Variants in KLHL13 observed in about 807,000 individuals in gnomAD.
The protein encoded by KLHL13 is kelch like family member 13.
In KLHL13, 10 loss-of-function variants were observed where a neutral mutation model predicts 37.1. The ratio of observed to expected loss-of-function variants is 0.27; its 90% CI spans 0.17 to 0.46. The LOEUF is 0.46. Ranked by LOEUF, KLHL13 falls within the 20% of genes least tolerant of loss-of-function variation. KLHL13 has a pLI of 1.00. For missense variants in KLHL13, 360 were observed against 509.3 expected (o/e 0.71, Z 2.82); for synonymous variants, 163 against 181.2 (o/e 0.90, Z 0.81).
At chrX:118,010,646 C>T (rs1305749384) in intron 1 of KLHL13, among the ~76,000 whole-genome samples, 2 of 86,629 alleles carry the variant, frequency 2.3e-5, no homozygotes, top group Admixed American at 1.3e-4. Context: ...TGCTAGATGA[C>T]GAGTTAGTGG....
At chrX:118,004,821 G>A (rs955126074) in intron 1 of KLHL13, among the ~76,000 whole-genome samples, 1 of 111,446 alleles carries the variant, frequency 9.0e-6, no homozygotes, top group Non-Finnish European at 1.9e-5. Context: ...TCAATATCAG[G>A]TGCCACCTGA....
Position 118,006,724 on chromosome X carries a change from C to CA in KLHL13, c.-55-61150dup, listed in dbSNP as rs931005938. Among the ~76,000 whole-genome samples the CA allele has an allele frequency of 1.0e-4, 11 of 108,337 alleles. No individual in the cohort carries two copies. The South Asian group carries it at 1.9e-3, about 19-fold the overall frequency. 94.1% of individuals were successfully genotyped at this position (108,337 alleles called of 115,157 possible). On this transcript the variant is annotated intron_variant, in intron 1 of 6. Coordinates refer to the KLHL13 transcript ENST00000371882. ...GGAGAAAGTATTTCTGTTCTAAAAA[C>CA]AAAAAAAAAGGAAGAAGAAAGAAAC...
chrX:117,935,422 C>T (rs924818563), intron 2 of KLHL13, among the ~76,000 whole-genome samples: 1 of 112,011 alleles, frequency 8.9e-6, no homozygotes, highest in African/African-American at 3.2e-5. Flanking sequence ...TCTACAGAAA[C>T]AGAGAAAAGA....
chrX:117,926,557 G>A (rs1304274333), intron 2 of KLHL13, among the ~76,000 whole-genome samples: 1 of 111,614 alleles, frequency 9.0e-6, no homozygotes, highest in Non-Finnish European at 1.9e-5. Flanking sequence ...CAAGGCTGGG[G>A]TTTTAAGCAT....
At chrX:117,914,230 T>C (rs1422171523) in intron 4 of KLHL13, 6 of 94,526 alleles carry the variant, frequency 6.3e-5, no homozygotes, top group East Asian at 3.1e-4. Flanking sequence ...GGGTATCTGC[T>C]TTTTTTTTTT....
At chrX:118,077,390 T>C (rs1345243187) in intron 1 of KLHL13, among the ~76,000 whole-genome samples, 1 of 109,518 alleles carries the variant, frequency 9.1e-6, no homozygotes, top group Non-Finnish European at 1.9e-5. Flanking sequence ...AATTACTGCC[T>C]TGTGGAGGGT....
chrX:117,931,815 T>C (rs368796360), intron 2 of KLHL13, among the ~76,000 whole-genome samples: 2 of 111,513 alleles, frequency 1.8e-5, no homozygotes, highest in East Asian at 5.6e-4. Flanking sequence ...AGCTTCAGCG[T>C]CCTTATCTAT....
intron 2 of KLHL13, among the ~76,000 whole-genome samples, chrX:117,944,297 A>C (rs949478981): frequency 2.7e-5 from 3 of 111,017 alleles, no homozygotes; most frequent in African/African-American, 9.8e-5. Context: ...CTCGTTCCTG[A>C]CTCACATATC....
In KLHL13 at chrX:118,016,049, A is replaced by AAGGG. The variant is rs1405476939; in HGVS notation, c.-55-70475_-55-70474insCCCT. ...TAAATTAATAAAAGGACTTATCTCC[A>AAGGG]ATGGCTGATCACCTTGTTAAATTTG... On this transcript the variant is annotated intron_variant, in intron 1 of 6. Transcript: ENST00000371882. 3.6e-5 allele frequency among the ~76,000 whole-genome samples: 4 copies of AAGGG among 112,205 alleles called. No homozygotes were observed. In the East Asian group the frequency reaches 1.1e-3, roughly 31 times the overall value.
chrX:118,111,903 A>T (rs1489990996), intron 1 of KLHL13, among the ~76,000 whole-genome samples: 1 of 111,945 alleles, frequency 8.9e-6, no homozygotes, highest in African/African-American at 3.3e-5. Flanking sequence ...CCGTCTAAAA[A>T]AAAGAAAAAG....
At chrX:118,060,194 G>C (rs2054726325) in intron 1 of KLHL13, among the ~76,000 whole-genome samples, 1 of 111,768 alleles carries the variant, frequency 8.9e-6, no homozygotes, top group Non-Finnish European at 1.9e-5. Context: ...ATTCCCAGGG[G>C]ACAGGTATAC....
At chrX:118,079,845 A>G (rs971727086) in intron 1 of KLHL13, among the ~76,000 whole-genome samples, 5 of 111,305 alleles carry the variant, frequency 4.5e-5, no homozygotes, top group Admixed American at 3.8e-4. Context: ...GCAAAAAGAA[A>G]AAAGCCAGAG....
intron 5 of KLHL13, among the ~76,000 whole-genome samples, chrX:117,908,627 A>ATTGG (rs1411995033): frequency 1.8e-5 from 2 of 112,020 alleles, no homozygotes; most frequent in Admixed American, 1.9e-4. Context: ...ACATAGCCAA[A>ATTGG]GTATTCTACA....
chrX:117,939,701 C>CT (rs202022134), intron 2 of KLHL13, among the ~76,000 whole-genome samples: 10,202 of 111,360 alleles, frequency 0.092, 442 homozygotes, highest in African/African-American at 0.16. Context: ...TAATCATGAG[C>CT]TTTTTTTTCA....
chrX:117,913,638 G>A (rs1339078652), intron 4 of KLHL13, among the ~76,000 whole-genome samples: 2 of 111,666 alleles, frequency 1.8e-5, no homozygotes, highest in East Asian at 5.6e-4. Context: ...GAGGTCAGGA[G>A]ATCGAGACCA....
At chrX:117,956,448 T>C (rs934696100) in intron 1 of KLHL13, among the ~76,000 whole-genome samples, 2 of 111,172 alleles carry the variant, frequency 1.8e-5, no homozygotes, top group African/African-American at 6.5e-5. Flanking sequence ...AAAAATGACA[T>C]AGTAGGCATC....
At chrX:117,937,110 G>C (rs1569420403) in intron 2 of KLHL13, among the ~76,000 whole-genome samples, 2 of 111,600 alleles carry the variant, frequency 1.8e-5, no homozygotes, top group South Asian at 7.5e-4. Flanking sequence ...TTTGAAGCCG[G>C]AGTATGTGTT....
intron 1 of KLHL13, among the ~76,000 whole-genome samples, chrX:118,003,343 T>C (rs1232526467): frequency 9.2e-6 from 1 of 108,898 alleles, no homozygotes; most frequent in Non-Finnish European, 1.9e-5. Flanking sequence ...ATAGAGATCC[T>C]GTCTCATTTT....
chrX:117,963,556 G>A (rs1171126313), intron 1 of KLHL13, among the ~76,000 whole-genome samples: 1 of 107,548 alleles, frequency 9.3e-6, no homozygotes, highest in Non-Finnish European at 1.9e-5. Context: ...ATAGCAGCAT[G>A]ATTTATAGTC....
Sources: allele counts gnomAD v4.1 joint callset (sites outside exome capture counted in the v4.1 genomes callset), GRCh38; gene constraint gnomAD v4.1.1; transcripts MANE v1.5; gene names NCBI Gene and HGNC (gene_info 2026-07-23, HGNC 2026-07-21).